CACNG4: variants seen among roughly 807,000 people sequenced by gnomAD.
CACNG4 encodes voltage-dependent calcium channel gamma-4 subunit.
A neutral mutation model predicts 22.9 loss-of-function variants in CACNG4; 8 were observed. That is an observed-to-expected ratio of 0.35 (90% CI 0.21 to 0.63). The LOEUF is 0.63. Among genes scored for constraint, CACNG4 ranks in the 30% least tolerant of loss-of-function variants. The probability of loss-of-function intolerance (pLI) is 0.72; values close to 1 mark genes in which losing one functional copy is unlikely to be tolerated. For synonymous variants in CACNG4, 188 were observed against 191.9 expected, an observed-to-expected ratio of 0.98 and a Z score of 0.17; for missense variants, 357 against 455.4, an observed-to-expected ratio of 0.78 and a Z score of 1.97.
chr17:66,973,000 C>G (rs1192379345), intron 1 of CACNG4, among the ~76,000 whole-genome samples: 2 of 151,914 alleles, frequency 1.3e-5, no homozygotes, highest in African/African-American at 2.4e-5. Flanking sequence ...AATCTTAGCA[C>G]TTTGGGAGGC....
chr17:66,964,750 G>C lies in CACNG4; in HGVS notation c.-162G>C, dbSNP rs1399107211. 6.9e-6 allele frequency among the ~76,000 whole-genome samples: 1 copy of C among 145,644 alleles called. No homozygotes were observed. Among genetic ancestry groups the C allele is most frequent in the African/African-American group, 2.5e-5 (1 of 40,706 alleles). On this transcript the variant is annotated 5_prime_UTR_variant, in exon 1 of 4. Transcript: ENST00000262138. The stretch of plus-strand genomic sequence containing the variant: ...GAGTTTGAGCCCCAGCGCTGCCGGA[G>C]CGCAGGCACGCCCGGGGCGCGGGGT...
chr17:67,024,755 G>A, intron 2 of CACNG4, 105 bp from the exon 3 acceptor site: 1 of 1,236,998 alleles, frequency 8.1e-7, no homozygotes, highest in Non-Finnish European at 1.1e-6. Flanking sequence ...AAATCCTGGG[G>A]AAGGGCCTGG....
At chr17:67,002,030 G>GGTATGAAT (rs556760231) in intron 1 of CACNG4, among the ~76,000 whole-genome samples, 2,843 of 152,306 alleles carry the variant, frequency 0.019, 42 homozygotes, top group East Asian at 0.074. Flanking sequence ...TGGTGCTCCA[G>GGTATGAAT]ACCACAGGTA....
intron 1 of CACNG4, among the ~76,000 whole-genome samples, chr17:66,987,837 G>T (rs2035313499): frequency 6.6e-6 from 1 of 151,946 alleles, no homozygotes; most frequent in Non-Finnish European, 1.5e-5. Context: ...CATGGTTCCT[G>T]GGATAAAGAA....
intron 3 of CACNG4, among the ~76,000 whole-genome samples, chr17:67,028,372 T>C (rs1376045430): frequency 6.6e-6 from 1 of 151,998 alleles, no homozygotes; most frequent in Non-Finnish European, 1.5e-5. Context: ...GCTAACACGG[T>C]GAAACCCCGT....
At chr17:66,987,267 G>T (rs2035310563) in intron 1 of CACNG4, among the ~76,000 whole-genome samples, 1 of 152,160 alleles carries the variant, frequency 6.6e-6, no homozygotes, top group South Asian at 2.1e-4. Context: ...GGGTTCAAGT[G>T]GAGGTTTCTT....
chr17:66,994,344 A>AG (rs1440751872), intron 1 of CACNG4, among the ~76,000 whole-genome samples: 1 of 151,712 alleles, frequency 6.6e-6, no homozygotes, highest in Non-Finnish European at 1.5e-5. Context: ...AAAAAAAAAA[A>AG]ACTGCGCCTC....
intron 1 of CACNG4, among the ~76,000 whole-genome samples, chr17:67,005,055 G>A (rs981093573): frequency 1.4e-4 from 22 of 152,312 alleles, no homozygotes; most frequent in African/African-American, 5.1e-4. Flanking sequence ...GGATGTGGAA[G>A]CGTCCCAAAG....
Position 67,029,973 on chromosome 17 carries a change from C to T in CACNG4, c.446-493C>T, listed in dbSNP as rs150982700. On this transcript the variant is annotated intron_variant, in intron 3 of 3. Coordinates refer to ENST00000262138, the MANE Select transcript of CACNG4 (RefSeq NM_014405.4). ...CCTTGTCACAGCAGAGGGCAGGGAGCACCCAGACATCTCCCGTAAAGGCCT... is the reference window on the plus strand; with the variant it reads ...CCTTGTCACAGCAGAGGGCAGGGAGTACCCAGACATCTCCCGTAAAGGCCT... Among the ~76,000 whole-genome samples, 1,247 of 152,338 alleles carry T rather than the reference C, an allele frequency of 8.2e-3. 10 individuals carry two copies. Among genetic ancestry groups the T allele is most frequent in the Non-Finnish European group, 0.014 (927 of 68,030 alleles).
At chr17:67,016,162 C>T (rs1391819390) in intron 1 of CACNG4, among the ~76,000 whole-genome samples, 1 of 152,206 alleles carries the variant, frequency 6.6e-6, no homozygotes, top group East Asian at 1.9e-4. Context: ...AAGTGCCTTT[C>T]AAGTATGACG....
chr17:67,007,674 C>G (rs2035445676), intron 1 of CACNG4, among the ~76,000 whole-genome samples: 1 of 152,190 alleles, frequency 6.6e-6, no homozygotes. Flanking sequence ...CCTATGGAAC[C>G]AGAAAGCTTC....
At position 67,027,781 on chromosome 17, in the gene CACNG4, G is replaced by T. The variant is rs2035576882; in HGVS notation, c.446-2685G>T. Among the ~76,000 whole-genome samples, 1 of 152,188 alleles carries T rather than the reference G, an allele frequency of 6.6e-6. No homozygotes were observed. The highest frequency in any genetic ancestry group is 6.5e-5 in the Admixed American group (1 of 15,274). On this transcript the variant is annotated intron_variant, in intron 3 of 3. Transcript: ENST00000262138. This position sits in a 1 kb window ranked among gnomAD's most constrained non-coding sequence, Gnocchi z 4.3. ...TGCCTGTAATCCCAGCATTTTGGGA[G>T]GCCGAGGCAGGCGGATCACTGGAGG...
At chr17:66,999,284 G>GTGA (rs2035393330) in intron 1 of CACNG4, among the ~76,000 whole-genome samples, 2 of 151,986 alleles carry the variant, frequency 1.3e-5, no homozygotes, top group Admixed American at 6.6e-5. Context: ...GTTGGTGGTG[G>GTGA]TGGTGGTGGT....
intron 1 of CACNG4, among the ~76,000 whole-genome samples, chr17:66,987,065 T>G (rs2035309449): frequency 1.3e-5 from 2 of 152,204 alleles, no homozygotes; most frequent in Non-Finnish European, 2.9e-5. Context: ...GATTCGTGGT[T>G]GCCAGGGGCT....
Position 67,031,030 on chromosome 17 carries a change from A to G in CACNG4, c.*26A>G. ...GCCGCCTGCCCTTTCTCTCCGCTCC[A>G]GCCTCTCCCCAGAACGGCTCTTTTT... is the stretch of plus-strand genomic sequence containing the variant. On this transcript the variant is annotated 3_prime_UTR_variant, in exon 4 of 4. Coordinates refer to ENST00000262138, the MANE Select transcript of CACNG4 (RefSeq NM_014405.4). The surrounding 1 kb of genome is among the most constrained non-coding windows in gnomAD (Gnocchi z 4.0). 6.3e-7 allele frequency: 1 copy of G among 1,595,478 alleles called. No homozygotes were observed. Among genetic ancestry groups the G allele is most frequent in the Non-Finnish European group, 8.6e-7 (1 of 1,169,458 alleles).
intron 1 of CACNG4, among the ~76,000 whole-genome samples, chr17:67,003,590 G>A (rs2035420874): frequency 6.6e-6 from 1 of 152,086 alleles, no homozygotes; most frequent in Admixed American, 6.6e-5. Flanking sequence ...TTATTTGTTG[G>A]GGCAGGGTAG....
chr17:67,030,394 G>C lies in CACNG4; in HGVS notation c.446-72G>C. 7.5e-7 allele frequency: 1 copy of C among 1,340,168 alleles called. No individual in the cohort carries two copies. The highest frequency in any genetic ancestry group is 1.1e-6 in the Non-Finnish European group (1 of 950,662). The allele number at this position is 1,340,168 out of a possible 1,614,324, so 83.0% of individuals were successfully genotyped here. On this transcript the variant is annotated intron_variant, in intron 3 of 3. Coordinates refer to ENST00000262138, the MANE Select transcript of CACNG4 (RefSeq NM_014405.4). This position sits in a 1 kb window ranked among gnomAD's most constrained non-coding sequence, Gnocchi z 6.4. ...TGTCCACCTGTTCCCTACACTGCCC[G>C]TCCCACTGTGGGTCTAACCTCTGCC... is the stretch of plus-strand genomic sequence containing the variant.
chr17:67,023,574 CCTTT>C (rs1567759509), intron 2 of CACNG4, among the ~76,000 whole-genome samples: 2 of 87,092 alleles, frequency 2.3e-5, no homozygotes, highest in African/African-American at 3.6e-5. Context: ...CGCGCCCAGC[CCTTT>C]TTTTTTTTTT....
intron 1 of CACNG4, among the ~76,000 whole-genome samples, chr17:67,003,087 C>T (rs2035418020): frequency 6.6e-6 from 1 of 152,018 alleles, no homozygotes; most frequent in Non-Finnish European, 1.5e-5. Context: ...GACAATAAGA[C>T]CAGCTGACTC....
Sources: allele counts gnomAD v4.1 joint callset (sites outside exome capture counted in the v4.1 genomes callset), GRCh38; gene constraint gnomAD v4.1.1; non-coding constraint Gnocchi (gnomAD v3.1); transcripts MANE v1.5; gene names NCBI Gene and HGNC (gene_info 2026-07-23, HGNC 2026-07-21).